Variants in CACNA1C observed in about 807,000 individuals in gnomAD.
The protein encoded by CACNA1C is voltage-dependent L-type calcium channel subunit alpha-1C.
Under a neutral mutation model 229.0 loss-of-function variants are expected in CACNA1C, and 30 were observed. The observed-to-expected ratio is 0.13, with a 90% confidence interval of 0.10 to 0.18. CACNA1C has a LOEUF of 0.18. Ranked by LOEUF, CACNA1C falls within the 10% of genes least tolerant of loss-of-function variation. The probability of loss-of-function intolerance (pLI) is 1.00; values close to 1 mark genes in which losing one functional copy is unlikely to be tolerated. For missense variants in CACNA1C, 1,658 were observed against 2,845.0 expected, an observed-to-expected ratio of 0.58 and a Z score of 9.49; for synonymous variants, 1,114 against 1,132.5, an observed-to-expected ratio of 0.98 and a Z score of 0.33.
intron 3 of CACNA1C, among the ~76,000 whole-genome samples, chr12:2,394,435 T>A (rs982071089): frequency 6.6e-6 from 1 of 152,264 alleles, no homozygotes; most frequent in African/African-American, 2.4e-5. Context: ...TTGAGCCACC[T>A]TCCCCTGCAA....
chr12:2,381,113 G>A lies in CACNA1C; in HGVS notation c.478-67863G>A, dbSNP rs543444435. ...GCAGACACACTCAAGCTGGCTGCCT[G>A]TGGTTGTGGGAAGTCCCTCACTCCT... is the stretch of plus-strand genomic sequence containing the variant. On this transcript the variant is annotated intron_variant, in intron 3 of 46. Transcript: ENST00000399655. Among the ~76,000 whole-genome samples the A allele has an allele frequency of 2.0e-3, 299 of 152,350 alleles. 2 individuals are homozygous for A. Among genetic ancestry groups the A allele is most frequent in the Middle Eastern group, 0.017 (5 of 294 alleles).
At chr12:2,688,353 C>A in intron 45 of CACNA1C, 94 bp from the exon 46 acceptor site, 2 of 1,164,672 alleles carry the variant, frequency 1.7e-6, no homozygotes, top group Non-Finnish European at 2.6e-6. Flanking sequence ...TAGCTGGACA[C>A]AGCAGCTGCA....
chr12:2,463,072 C>T (rs1456297708), intron 5 of CACNA1C, among the ~76,000 whole-genome samples: 1 of 126,750 alleles, frequency 7.9e-6, no homozygotes, highest in African/African-American at 3.1e-5. Flanking sequence ...GCCACCACGC[C>T]CGGCTAATTT....
intron 3 of CACNA1C, among the ~76,000 whole-genome samples, chr12:2,263,026 G>T (rs1409704582): frequency 6.6e-6 from 1 of 152,196 alleles, no homozygotes; most frequent in Non-Finnish European, 1.5e-5. Context: ...TAGACACAGT[G>T]GAGGGATGAA....
At chr12:2,277,362 GACACACACAC>G (rs59258094) in intron 3 of CACNA1C, among the ~76,000 whole-genome samples, 7,276 of 70,420 alleles carry the variant, frequency 0.1, 226 homozygotes, top group East Asian at 0.16. Context: ...CAGACAGACA[GACACACACAC>G]ACACACACAC....
intron 38 of CACNA1C, among the ~76,000 whole-genome samples, chr12:2,669,955 A>C (rs1489684707): frequency 6.6e-6 from 1 of 152,184 alleles, no homozygotes; most frequent in Non-Finnish European, 1.5e-5. Context: ...GGCTGTATTA[A>C]ACACACCTAA....
upstream of CACNA1C, among the ~76,000 whole-genome samples, chr12:2,048,879 T>A (rs1374740672): frequency 6.6e-6 from 1 of 152,228 alleles, no homozygotes; most frequent in East Asian, 1.9e-4. Context: ...AAGAAACATT[T>A]ACGTGTAATC....
At chr12:2,236,593 C>T (rs1324998418) in intron 3 of CACNA1C, among the ~76,000 whole-genome samples, 1 of 152,094 alleles carries the variant, frequency 6.6e-6, no homozygotes, top group Non-Finnish European at 1.5e-5. Flanking sequence ...TTTAACTTGG[C>T]ACTTCTAGGC....
chr12:2,585,398 C>G lies in CACNA1C; in HGVS notation c.2362C>G (p.Gln788Glu), dbSNP rs751261669. Reference sequence around the variant, plus strand: ...CAGGACTGCCAGCCCAGAGAAGAAACAAGAGTTGGTGGAGAAGCCGGCAGT... The same window carrying G: ...CAGGACTGCCAGCCCAGAGAAGAAAGAAGAGTTGGTGGAGAAGCCGGCAGT... Reference protein sequence around the residue: ...LARTASPEKKQELVEKPAVGE... With the variant: ...LARTASPEKKEELVEKPAVGE... Residue 788 changes from glutamine to glutamate, a missense_variant, in exon 17 of 47, where the codon CAA becomes GAA. Coordinates refer to ENST00000399655, the MANE Select transcript of CACNA1C (RefSeq NM_000719.7). The surrounding 1 kb of genome is among the most constrained non-coding windows in gnomAD (Gnocchi z 4.1). 3.7e-5 allele frequency: 60 copies of G among 1,612,490 alleles called. 1 individual carries two copies. The South Asian group carries it at 6.3e-4, about 17-fold the overall frequency.
In CACNA1C at chr12:2,072,792, T is replaced by C. The variant is rs1404060973; in HGVS notation, c.49+19181T>C. On this transcript the variant is annotated intron_variant, in intron 1 of 46. Coordinates refer to ENST00000399655, the MANE Select transcript of CACNA1C (RefSeq NM_000719.7). Reference sequence around the variant, plus strand: ...AGGCTAACTCATTCTACTACCTTCATTTAGGGAACCGAAGACAGGGCAGAC... The same window carrying C: ...AGGCTAACTCATTCTACTACCTTCACTTAGGGAACCGAAGACAGGGCAGAC... 5.3e-5 allele frequency among the ~76,000 whole-genome samples: 8 copies of C among 152,194 alleles called. No individual in the cohort carries two copies. In the South Asian group the frequency reaches 1.5e-3, roughly 28 times the overall value.
At chr12:2,021,920 C>T (rs978033721) in intron 1 of CACNA1C, among the ~76,000 whole-genome samples, 1 of 152,216 alleles carries the variant, frequency 6.6e-6, no homozygotes, top group Admixed American at 6.5e-5. Flanking sequence ...GTTTCCAACA[C>T]ATACGTTTCG....
At chr12:2,652,045 C>A (rs548040672) in intron 32 of CACNA1C, among the ~76,000 whole-genome samples, 1 of 152,136 alleles carries the variant, frequency 6.6e-6, no homozygotes, top group Admixed American at 6.5e-5. Context: ...TTTTAACCAT[C>A]GTTTATGTCT....
In CACNA1C at chr12:2,237,133, A is replaced by C. The variant is rs141416699; in HGVS notation, c.477+116703A>C. Among the ~76,000 whole-genome samples, 332 of 152,334 alleles carry C rather than the reference A, an allele frequency of 2.2e-3. 2 individuals are homozygous for C. Among genetic ancestry groups the C allele is most frequent in the African/African-American group, 7.7e-3 (320 of 41,570 alleles). ...AGTAGTGGATGGGCTGGGGAAGACCAGACCTTATCACATGGTGCCCTTGGG... is the reference window on the plus strand; with the variant it reads ...AGTAGTGGATGGGCTGGGGAAGACCCGACCTTATCACATGGTGCCCTTGGG... On this transcript the variant is annotated intron_variant, in intron 3 of 46. Coordinates refer to ENST00000399655, the MANE Select transcript of CACNA1C (RefSeq NM_000719.7).
intron 3 of CACNA1C, chr12:2,220,944 GAAAAAGAA>G (rs1320616791): frequency 2.0e-5 from 3 of 152,194 alleles, no homozygotes; most frequent in African/African-American, 7.2e-5. Context: ...TAGGTGCTAT[GAAAAAGAA>G]ATCAAAGAGA....
At chr12:2,231,926 T>C (rs1386577385) in intron 3 of CACNA1C, among the ~76,000 whole-genome samples, 1 of 152,210 alleles carries the variant, frequency 6.6e-6, no homozygotes, top group Non-Finnish European at 1.5e-5. Context: ...TTATTTTTTT[T>C]TACATTTTAT....
intron 1 of CACNA1C, chr12:1,993,183 A>C: frequency 6.3e-7 from 1 of 1,594,646 alleles, no homozygotes; most frequent in Non-Finnish European, 8.6e-7. Flanking sequence ...AAATGCAAAC[A>C]CAATGGCAAA....
rs769236083 is a variant in CACNA1C at position 2,581,639 on chromosome 12, C to T, written c.1945C>T (p.Arg649Cys). ...NLVASLLNSVRSIASLLLLLF... is the reference protein window; with the variant it reads ...NLVASLLNSVCSIASLLLLLF... ...GGTGGCATCCTTGCTGAACTCTGTG[C>T]GCTCCATCGCCTCCCTGCTCCTTCT... The change falls in exon 14 of 47, where the codon CGC becomes TGC. Residue 649 changes from arginine (R) to cysteine (C), a missense_variant. This residue lies in a region of CACNA1C where 30 missense variants were observed against 96.6 expected (regional missense o/e 0.31). Coordinates refer to ENST00000399655, the MANE Select transcript of CACNA1C (RefSeq NM_000719.7). The T allele has an allele frequency of 1.0e-5, 16 of 1,591,576 alleles. No homozygotes were observed. Among genetic ancestry groups the T allele is most frequent in the Non-Finnish European group, 1.4e-5 (16 of 1,168,124 alleles).
Position 2,115,139 on chromosome 12 carries a change from A to G in CACNA1C, c.50-85A>G, listed in dbSNP as rs1032999957. The G allele has an allele frequency of 4.5e-6, 5 of 1,110,184 alleles. No individual in the cohort carries two copies. The African/African-American group carries it at 4.7e-5, about 11-fold the overall frequency. The allele number at this position is 1,110,184 out of a possible 1,614,324, so 68.8% of individuals were successfully genotyped here. A position where few individuals can be genotyped will look rare whatever the true frequency, so the allele number is the denominator to read the frequency against. On this transcript the variant is annotated intron_variant, in intron 1 of 46. Coordinates refer to ENST00000399655, the MANE Select transcript of CACNA1C (RefSeq NM_000719.7). Reference sequence around the variant, plus strand: ...TAGCTTGAAATAAGGTTTTGAAAAAATTGTGAATCTGGGGTCCAGAGAGTG... The same window carrying G: ...TAGCTTGAAATAAGGTTTTGAAAAAGTTGTGAATCTGGGGTCCAGAGAGTG...
intron 3 of CACNA1C, among the ~76,000 whole-genome samples, chr12:2,277,933 C>A: frequency 6.6e-6 from 1 of 152,262 alleles, no homozygotes; most frequent in South Asian, 2.1e-4. Context: ...CCTCCAGTCT[C>A]ACTCATCGTG....
Sources: gnomAD v4.1 joint callset for allele counts (sites outside exome capture counted in the v4.1 genomes callset) on GRCh38, gnomAD v4.1.1 for gene constraint, gnomAD v4.1.1 regional missense constraint, Gnocchi (gnomAD v3.1) non-coding constraint, MANE v1.5 for transcripts, NCBI Gene and HGNC (gene_info 2026-07-23, HGNC 2026-07-21) for gene names.